The following ARHGAP35 variants were observed in gnomAD, a reference collection of about 807,000 sequenced individuals.
ARHGAP35 encodes the protein Rho GTPase activating protein 35.
In ARHGAP35, 15 loss-of-function variants were observed where a neutral mutation model predicts 111.1. The ratio of observed to expected loss-of-function variants is 0.13; its 90% CI spans 0.09 to 0.21. The LOEUF is 0.21. Ranked by LOEUF, ARHGAP35 falls within the 10% of genes least tolerant of loss-of-function variation. The probability of loss-of-function intolerance (pLI) is 1.00; values close to 1 mark genes in which losing one functional copy is unlikely to be tolerated. For synonymous variants in ARHGAP35, 643 were observed against 710.3 expected, an observed-to-expected ratio of 0.91 and a Z score of 1.51; for missense variants, 1,262 against 1,873.0, an observed-to-expected ratio of 0.67 and a Z score of 6.02.
chr19:46,968,238 C>T (rs1469017104), intron 3 of ARHGAP35, among the ~76,000 whole-genome samples: 1 of 152,204 alleles, frequency 6.6e-6, no homozygotes, highest in Non-Finnish European at 1.5e-5. Flanking sequence ...AGCAAGGTGG[C>T]AGTATCTGGG....
intron 1 of ARHGAP35, among the ~76,000 whole-genome samples, chr19:46,877,301 G>A (rs1456613183): frequency 1.3e-5 from 2 of 149,226 alleles, no homozygotes; most frequent in African/African-American, 5.0e-5. Flanking sequence ...AGTGGGTCAT[G>A]CCTGTAATCC....
intron 3 of ARHGAP35, among the ~76,000 whole-genome samples, chr19:46,960,012 A>T (rs1313855493): frequency 6.6e-6 from 1 of 150,388 alleles, no homozygotes; most frequent in African/African-American, 2.4e-5. Flanking sequence ...CAGGAGGCTA[A>T]GGTGGGAGGA....
intron 1 of ARHGAP35, among the ~76,000 whole-genome samples, chr19:46,906,498 G>A (rs770236954): frequency 5.9e-5 from 9 of 152,160 alleles, no homozygotes; most frequent in Non-Finnish European, 1.2e-4. Flanking sequence ...CCCCAGGCAG[G>A]GGCCTAGTGT....
intron 5 of ARHGAP35, among the ~76,000 whole-genome samples, chr19:46,991,468 C>A (rs1438413743): frequency 6.6e-6 from 1 of 152,170 alleles, no homozygotes; most frequent in African/African-American, 2.4e-5. Flanking sequence ...AATCAGCCAC[C>A]CTTCCCACAG....
intron 1 of ARHGAP35, among the ~76,000 whole-genome samples, chr19:46,871,282 T>C (rs938927520): frequency 6.6e-6 from 1 of 152,226 alleles, no homozygotes; most frequent in African/African-American, 2.4e-5. Context: ...GGGACTGGTA[T>C]TGAAATTGCT....
At chr19:46,943,681 A>G (rs767532775) in intron 3 of ARHGAP35, among the ~76,000 whole-genome samples, 2 of 152,244 alleles carry the variant, frequency 1.3e-5, no homozygotes, top group Admixed American at 6.5e-5. Context: ...GTCCAAAGTC[A>G]GAAGTCTTTG....
At chr19:46,914,368 G>A (rs1265100345) in intron 1 of ARHGAP35, among the ~76,000 whole-genome samples, 1 of 152,170 alleles carries the variant, frequency 6.6e-6, no homozygotes, top group Non-Finnish European at 1.5e-5. Flanking sequence ...ACTTTGGGAG[G>A]CTGAGGTGTG....
At chr19:46,995,232 C>T (rs982110058) in intron 5 of ARHGAP35, among the ~76,000 whole-genome samples, 3 of 152,126 alleles carry the variant, frequency 2.0e-5, no homozygotes, top group South Asian at 2.1e-4. Flanking sequence ...CTGACCAACA[C>T]GGTGAAACCC....
At chr19:46,868,686 C>T (rs2055870976) in intron 1 of ARHGAP35, among the ~76,000 whole-genome samples, 3 of 152,072 alleles carry the variant, frequency 2.0e-5, no homozygotes, top group Admixed American at 6.6e-5. Context: ...CATGTAATGA[C>T]TCCTTAAATC....
chr19:46,974,383 GGCGTT>G (rs1181780770), intron 3 of ARHGAP35, among the ~76,000 whole-genome samples: 4 of 152,148 alleles, frequency 2.6e-5, no homozygotes, highest in Non-Finnish European at 5.9e-5. Context: ...TTCAAAGTCT[GGCGTT>G]ACCATCCCAT....
At chr19:46,871,421 C>T (rs965280913) in intron 1 of ARHGAP35, among the ~76,000 whole-genome samples, 101 of 152,182 alleles carry the variant, frequency 6.6e-4, no homozygotes, top group African/African-American at 2.3e-3. Context: ...TGGCTCACTG[C>T]GACCTCCACC....
intron 1 of ARHGAP35, among the ~76,000 whole-genome samples, chr19:46,893,019 C>T (rs1432034142): frequency 2.0e-5 from 3 of 152,116 alleles, no homozygotes; most frequent in East Asian, 1.9e-4. Flanking sequence ...GATCCTTCAC[C>T]GTCATGGTCC....
chr19:46,925,037 C>T (rs1401826251), intron 2 of ARHGAP35, among the ~76,000 whole-genome samples: 1 of 152,160 alleles, frequency 6.6e-6, no homozygotes, highest in Non-Finnish European at 1.5e-5. Context: ...CTTCCTTCCC[C>T]GGGTTGCTGG....
intron 1 of ARHGAP35, among the ~76,000 whole-genome samples, chr19:46,878,809 G>A (rs995803627): frequency 2.0e-4 from 30 of 152,234 alleles, no homozygotes; most frequent in South Asian, 8.3e-4. Context: ...GATCATCTGA[G>A]CCTTTGGTGA....
intron 1 of ARHGAP35, among the ~76,000 whole-genome samples, chr19:46,870,185 G>A (rs1243511548): frequency 6.6e-6 from 1 of 151,482 alleles, no homozygotes; most frequent in Non-Finnish European, 1.5e-5. Context: ...TCCTGACTTT[G>A]TGATCCGCCC....
Position 47,000,806 on chromosome 19 carries a change from A to G in ARHGAP35, c.*118A>G, listed in dbSNP as rs567901803. 4 of 1,543,600 alleles carry G rather than the reference A, an allele frequency of 2.6e-6. No individual in the cohort carries two copies. The East Asian group carries it at 7.3e-5, about 28-fold the overall frequency. On this transcript the variant is annotated 3_prime_UTR_variant, in exon 7 of 7. Coordinates refer to ENST00000672722, the MANE Select transcript of ARHGAP35 (RefSeq NM_004491.5). This position sits in a 1 kb window ranked among gnomAD's most constrained non-coding sequence, Gnocchi z 6.9. ...GCAGGGGCAAGTGGCTCTCCCCATT[A>G]CCTTCTCAAGACCTCAGTGGGAGCA... is the stretch of plus-strand genomic sequence containing the variant.
At chr19:46,907,317 T>G (rs2056113910) in intron 1 of ARHGAP35, among the ~76,000 whole-genome samples, 1 of 150,524 alleles carries the variant, frequency 6.6e-6, no homozygotes, top group South Asian at 2.1e-4. Flanking sequence ...CGGCTGATTT[T>G]ATTTTTGTAT....
At chr19:46,985,295 C>T (rs2056643227) in intron 3 of ARHGAP35, among the ~76,000 whole-genome samples, 5 of 152,160 alleles carry the variant, frequency 3.3e-5, no homozygotes, top group Admixed American at 2.0e-4. Flanking sequence ...TACGGGTGTG[C>T]CATCTCAAAA....
chr19:46,976,210 C>CTT lies in ARHGAP35; in HGVS notation c.3827-11760_3827-11759dup, dbSNP rs772367746. ...AATAGTTTTAAAACAAAGCTTTCTC[C>CTT]TTTTTTTTTTTTTTTTTTTTGCTAC... On this transcript the variant is annotated intron_variant, in intron 3 of 6. Transcript: ENST00000672722. Among the ~76,000 whole-genome samples the CTT allele has an allele frequency of 3.1e-3, 365 of 118,688 alleles. 7 individuals carry two copies. Among genetic ancestry groups the CTT allele is most frequent in the Admixed American group, 6.6e-3 (75 of 11,284 alleles). 77.9% of individuals were successfully genotyped at this position (118,688 alleles called of 152,430 possible). A position where few individuals can be genotyped will look rare whatever the true frequency, so the allele number is the denominator to read the frequency against.
Sources: gnomAD v4.1 joint callset for allele counts (sites outside exome capture counted in the v4.1 genomes callset) on GRCh38, gnomAD v4.1.1 for gene constraint, Gnocchi (gnomAD v3.1) non-coding constraint, MANE v1.5 for transcripts, NCBI Gene and HGNC (gene_info 2026-07-23, HGNC 2026-07-21) for gene names.